The following TATDN1 variants were observed in gnomAD, a reference collection of about 807,000 sequenced individuals.
TATDN1 encodes TatD DNase domain containing 1, also known as deoxyribonuclease TATDN1.
A neutral mutation model predicts 46.4 loss-of-function variants in TATDN1; 40 were observed. The ratio of observed to expected loss-of-function variants is 0.86; its 90% CI spans 0.67 to 1.12. TATDN1 has a LOEUF of 1.12. Ranked by LOEUF, TATDN1 falls within the 50% of genes most tolerant of loss-of-function variation. The pLI is 0.00. For synonymous variants in TATDN1, 95 were observed against 105.6 expected (o/e 0.90, Z 0.62); for missense variants, 326 against 348.4 (o/e 0.94, Z 0.51).
rs942509367 is a variant in TATDN1, at chr8:124,531,088, G to A, written c.22+7937C>T. Among the ~76,000 whole-genome samples, 3 of 152,248 alleles carry A rather than the reference G, an allele frequency of 2.0e-5. 1 individual carries two copies. The highest frequency in any genetic ancestry group is 6.8e-3 in the Middle Eastern group (2 of 294). On this transcript the variant is annotated intron_variant, in intron 1 of 11. Coordinates refer to ENST00000276692, the MANE Select transcript of TATDN1 (RefSeq NM_032026.4). Reference sequence around the variant, plus strand: ...CACTACTTGTCATCACCAAGCTGGAGGTGGTAATACTGGAGTTTATGGCCT... The same window carrying A: ...CACTACTTGTCATCACCAAGCTGGAAGTGGTAATACTGGAGTTTATGGCCT...
intron 11 of TATDN1, chr8:124,491,014 C>A (rs1816946690): frequency 6.6e-6 from 1 of 152,128 alleles, no homozygotes; most frequent in South Asian, 2.1e-4. Context: ...GAACTCCTGA[C>A]CTCAACTGAT....
intron 4 of TATDN1, among the ~76,000 whole-genome samples, chr8:124,518,149 G>A (rs76360853): frequency 0.091 from 12,560 of 138,478 alleles, 598 homozygotes; most frequent in East Asian, 0.17. Flanking sequence ...GAGGTGGCGC[G>A]CGCAGTGAGC....
At chr8:124,528,872 T>C (rs1820723473) in intron 1 of TATDN1, among the ~76,000 whole-genome samples, 1 of 152,210 alleles carries the variant, frequency 6.6e-6, no homozygotes, top group Non-Finnish European at 1.5e-5. Flanking sequence ...TAGATTCTTG[T>C]TCTCTGTAAC....
intron 6 of TATDN1, among the ~76,000 whole-genome samples, chr8:124,514,467 G>C (rs1308751922): frequency 6.6e-6 from 1 of 152,158 alleles, no homozygotes; most frequent in Non-Finnish European, 1.5e-5. Context: ...AAACTAAGGA[G>C]GACAGAGGAT....
chr8:124,537,640 C>T (rs1821574671), intron 1 of TATDN1, among the ~76,000 whole-genome samples: 1 of 152,154 alleles, frequency 6.6e-6, no homozygotes, highest in South Asian at 2.1e-4. Flanking sequence ...ATAACATAAA[C>T]ACACTTTTAA....
At chr8:124,499,846 CA>C (rs1227444277) in intron 9 of TATDN1, among the ~76,000 whole-genome samples, 2 of 150,800 alleles carry the variant, frequency 1.3e-5, no homozygotes, top group African/African-American at 4.9e-5. Context: ...GCCCGGCCCC[CA>C]TGTTCTTTTT....
chr8:124,490,848 T>A (rs987721323), intron 11 of TATDN1, among the ~76,000 whole-genome samples: 3 of 151,848 alleles, frequency 2.0e-5, no homozygotes, highest in Admixed American at 6.6e-5. Flanking sequence ...AGTGGTGTGA[T>A]CTTGGCTCAC....
At chr8:124,532,547 G>C (rs1436006860) in intron 1 of TATDN1, among the ~76,000 whole-genome samples, 1 of 152,234 alleles carries the variant, frequency 6.6e-6, no homozygotes, top group Non-Finnish European at 1.5e-5. Flanking sequence ...GCTTCCCAAA[G>C]TGCTAGGATT....
chr8:124,492,561 C>T (rs1229844136), intron 11 of TATDN1, among the ~76,000 whole-genome samples: 1 of 151,940 alleles, frequency 6.6e-6, no homozygotes, highest in African/African-American at 2.4e-5. Flanking sequence ...TGAGACCAGC[C>T]TGGCCAACAT....
intron 1 of TATDN1, among the ~76,000 whole-genome samples, chr8:124,536,875 C>T (rs1821468661): frequency 6.6e-6 from 1 of 151,010 alleles, no homozygotes; most frequent in Non-Finnish European, 1.5e-5. Flanking sequence ...GGATAGAATG[C>T]ATAATATGAT....
intron 10 of TATDN1, chr8:124,494,967 C>G (rs568336734): frequency 1.3e-5 from 2 of 153,974 alleles, no homozygotes; most frequent in African/African-American, 4.8e-5. Flanking sequence ...GGTGATCCGC[C>G]CACCTCGGCC....
chr8:124,499,154 A>G (rs1002534453), intron 9 of TATDN1, among the ~76,000 whole-genome samples: 1 of 151,844 alleles, frequency 6.6e-6, no homozygotes, highest in African/African-American at 2.4e-5. Flanking sequence ...TTCAGTATCT[A>G]TAATTTTATT....
At chr8:124,498,353 A>T (rs571704189) in intron 9 of TATDN1, among the ~76,000 whole-genome samples, 1 of 152,018 alleles carries the variant, frequency 6.6e-6, no homozygotes, top group Non-Finnish European at 1.5e-5. Flanking sequence ...TTCTTTGGGG[A>T]TTGATGTAAG....
intron 1 of TATDN1, among the ~76,000 whole-genome samples, chr8:124,531,745 A>G (rs1820977650): frequency 6.6e-6 from 1 of 152,194 alleles, no homozygotes. Flanking sequence ...GAGCTTCAGG[A>G]GTTCACCTGG....
intron 9 of TATDN1, among the ~76,000 whole-genome samples, chr8:124,503,208 C>G (rs566624938): frequency 6.6e-6 from 1 of 151,910 alleles, no homozygotes; most frequent in African/African-American, 2.4e-5. Flanking sequence ...GGGATTAGTA[C>G]GGGATATAAG....
Position 124,521,384 on chromosome 8 carries a change from T to G in TATDN1, c.138+767A>C, listed in dbSNP as rs141371020. ...CACATGAAAATTTAGGAGCCTAGTA[T>G]TTCAGAGTCTGCAGAAAAGCATTGT... On this transcript the variant is annotated intron_variant, in intron 3 of 11. Transcript: ENST00000276692. Among the ~76,000 whole-genome samples, 18 of 152,312 alleles carry G rather than the reference T, an allele frequency of 1.2e-4. No individual in the cohort carries two copies. The East Asian group carries it at 2.9e-3, about 24-fold the overall frequency.
intron 11 of TATDN1, among the ~76,000 whole-genome samples, chr8:124,492,482 A>C (rs1435047490): frequency 3.3e-5 from 5 of 152,102 alleles, no homozygotes; most frequent in African/African-American, 9.7e-5. Flanking sequence ...TTAGTTCCCC[A>C]AAAAATTGGC....
At chr8:124,507,701 C>T (rs1463766039) in intron 8 of TATDN1, among the ~76,000 whole-genome samples, 6 of 150,338 alleles carry the variant, frequency 4.0e-5, no homozygotes, top group African/African-American at 7.3e-5. Flanking sequence ...GGCTTGATCC[C>T]GGGGAAGCAG....
At chr8:124,518,392 C>T (rs1457109434) in intron 4 of TATDN1, among the ~76,000 whole-genome samples, 3 of 151,104 alleles carry the variant, frequency 2.0e-5, no homozygotes, top group South Asian at 2.1e-4. Flanking sequence ...GGCGTGGTGG[C>T]GGGCGCCTGT....
Sources: gnomAD v4.1 joint callset for allele counts (sites outside exome capture counted in the v4.1 genomes callset) on GRCh38, gnomAD v4.1.1 for gene constraint, MANE v1.5 for transcripts, NCBI Gene and HGNC (gene_info 2026-07-23, HGNC 2026-07-21) for gene names.